The following TACR1 variants were observed in gnomAD, a reference collection of about 807,000 sequenced individuals.
The protein encoded by TACR1 is substance-P receptor.
A neutral mutation model predicts 35.8 loss-of-function variants in TACR1; 25 were observed. The observed-to-expected ratio is 0.70, with a 90% confidence interval of 0.51 to 0.98. The LOEUF (loss-of-function observed/expected upper bound fraction) is 0.98, where lower values mean the gene tolerates loss of function less well. Ranked by LOEUF, TACR1 falls within the 50% of genes least tolerant of loss-of-function variation. The probability of loss-of-function intolerance (pLI) is 0.00; values close to 1 mark genes in which losing one functional copy is unlikely to be tolerated. For synonymous variants in TACR1, 195 were observed against 206.7 expected (o/e 0.94, Z 0.48); for missense variants, 478 against 522.9 (o/e 0.91, Z 0.84).
At chr2:75,146,092 T>A (rs1279020479) in intron 1 of TACR1, among the ~76,000 whole-genome samples, 2 of 152,076 alleles carry the variant, frequency 1.3e-5, no homozygotes, top group East Asian at 3.9e-4. Flanking sequence ...GAGGAAGGCA[T>A]AAAACCAGGA....
chr2:75,070,475 A>G (rs1404959918), intron 2 of TACR1, among the ~76,000 whole-genome samples: 1 of 152,164 alleles, frequency 6.6e-6, no homozygotes, highest in African/African-American at 2.4e-5. Flanking sequence ...TCCCACATGT[A>G]TCCTTCAGAG....
chr2:75,123,015 C>G (rs142131384), intron 1 of TACR1, among the ~76,000 whole-genome samples: 1 of 152,302 alleles, frequency 6.6e-6, no homozygotes, highest in African/African-American at 2.4e-5. Flanking sequence ...AACTCAGAAT[C>G]AGAGCCAACA....
intron 2 of TACR1, among the ~76,000 whole-genome samples, chr2:75,113,775 A>T (rs1371625240): frequency 1.3e-5 from 2 of 152,052 alleles, no homozygotes; most frequent in East Asian, 3.9e-4. Flanking sequence ...TCAATCCTGG[A>T]AACACAAATA....
At chr2:75,192,083 A>T (rs1675860343) in intron 1 of TACR1, among the ~76,000 whole-genome samples, 1 of 152,118 alleles carries the variant, frequency 6.6e-6, no homozygotes, top group African/African-American at 2.4e-5. Flanking sequence ...GTCAAAGAGG[A>T]CAGCAAGGTC....
chr2:75,062,164 A>C (rs1444515250), intron 2 of TACR1, among the ~76,000 whole-genome samples: 1 of 152,088 alleles, frequency 6.6e-6, no homozygotes, highest in Non-Finnish European at 1.5e-5. Context: ...CATCTGCTTG[A>C]ATGAGAGCCT....
intron 2 of TACR1, among the ~76,000 whole-genome samples, chr2:75,107,000 A>T (rs1158203273): frequency 6.6e-6 from 1 of 151,884 alleles, no homozygotes; most frequent in Non-Finnish European, 1.5e-5. Context: ...AATATACTGT[A>T]TGTAAGAGGA....
At chr2:75,154,396 CCAAGA>C (rs1674754198) in intron 1 of TACR1, 1 of 90,102 alleles carries the variant, frequency 1.1e-5, no homozygotes. Flanking sequence ...AGATAATCAG[CCAAGA>C]GCGCGCACGC....
At chr2:75,062,439 A>G (rs889746417) in intron 2 of TACR1, among the ~76,000 whole-genome samples, 18 of 152,222 alleles carry the variant, frequency 1.2e-4, no homozygotes, top group African/African-American at 4.1e-4. Flanking sequence ...CTTTGAAAAC[A>G]ACACTATGTC....
At position 75,048,338 on chromosome 2, in the gene TACR1, C is replaced by T. The variant is rs1255296982; in HGVS notation, c.*1094G>A. 1 of 152,226 alleles carries T rather than the reference C, an allele frequency of 6.6e-6. No individual in the cohort carries two copies. The highest frequency in any genetic ancestry group is 1.5e-5 in the Non-Finnish European group (1 of 68,046). 9.4% of individuals were successfully genotyped at this position (152,226 alleles called of 1,614,324 possible). On this transcript the variant is annotated 3_prime_UTR_variant, in exon 5 of 5. Coordinates refer to ENST00000305249, the MANE Select transcript of TACR1 (RefSeq NM_001058.4). ...CACATTTGTCTTCTCTGACAGTGTT[C>T]TGCAGCTATGAAATTCTGCCTGCTA...
At chr2:75,189,720 G>A (rs1675798064) in intron 1 of TACR1, 1 of 152,180 alleles carries the variant, frequency 6.6e-6, no homozygotes, top group Admixed American at 6.5e-5. Context: ...AGTCTTACAA[G>A]AACTAAGTAA....
At chr2:75,115,906 C>CAAAAAA (rs1158476632) in intron 2 of TACR1, among the ~76,000 whole-genome samples, 115 of 54,252 alleles carry the variant, frequency 2.1e-3, no homozygotes, top group East Asian at 0.014. Context: ...GACTCCGTCT[C>CAAAAAA]AAAAAAAAAA....
intron 1 of TACR1, among the ~76,000 whole-genome samples, chr2:75,139,769 C>T (rs1402325916): frequency 2.0e-5 from 3 of 152,110 alleles, no homozygotes; most frequent in South Asian, 2.1e-4. Flanking sequence ...AATAAAAACC[C>T]GACTTGTAAG....
intron 1 of TACR1, chr2:75,186,966 A>G (rs3821320): frequency 0.51 from 76,955 of 152,176 alleles, 21,617 homozygotes; most frequent in African/African-American, 0.77. Flanking sequence ...AAGGATGAAA[A>G]CTTCCAGATG....
rs1239631937 is a variant in TACR1, at chr2:75,048,882, A to G, written c.*550T>C. 1 of 153,174 alleles carries G rather than the reference A, an allele frequency of 6.5e-6. No individual in the cohort carries two copies. Among genetic ancestry groups the G allele is most frequent in the African/African-American group, 2.4e-5 (1 of 41,434 alleles). The allele number at this position is 153,174 out of a possible 1,614,324, so 9.5% of individuals were successfully genotyped here. A position where few individuals can be genotyped will look rare whatever the true frequency, so the allele number is the denominator to read the frequency against. ...AATGTACTGAAATACTGAGATGCCA[A>G]AAAGGGGAATACATATGTTTCTTTT... On this transcript the variant is annotated 3_prime_UTR_variant, in exon 5 of 5. Transcript: ENST00000305249.
chr2:75,189,877 C>T (rs890172496), intron 1 of TACR1: 1 of 152,108 alleles, frequency 6.6e-6, no homozygotes, highest in Non-Finnish European at 1.5e-5. Context: ...ATACTGTTTA[C>T]ATTTTGAAAG....
chr2:75,111,945 A>T (rs984478394), intron 2 of TACR1, among the ~76,000 whole-genome samples: 8 of 151,908 alleles, frequency 5.3e-5, no homozygotes, highest in Non-Finnish European at 8.8e-5. Flanking sequence ...TAAATTTTTA[A>T]AAAAAATTTA....
chr2:75,116,425 A>G (rs569775495), intron 2 of TACR1, among the ~76,000 whole-genome samples: 8 of 152,084 alleles, frequency 5.3e-5, no homozygotes, highest in Non-Finnish European at 1.2e-4. Flanking sequence ...TGTTTGTTTT[A>G]TCCGTTCTAC....
intron 2 of TACR1, among the ~76,000 whole-genome samples, chr2:75,120,327 A>G (rs560294143): frequency 2.6e-5 from 4 of 152,286 alleles, no homozygotes; most frequent in African/African-American, 9.6e-5. Flanking sequence ...TGGCTCTGCT[A>G]TAACAGGATC....
chr2:75,065,691 G>A (rs4852357), intron 2 of TACR1, among the ~76,000 whole-genome samples: 47 of 152,112 alleles, frequency 3.1e-4, no homozygotes, highest in African/African-American at 8.9e-4. Context: ...CTTCTGTCAC[G>A]CACTCCAAAT....
Sources: allele counts gnomAD v4.1 joint callset (sites outside exome capture counted in the v4.1 genomes callset), GRCh38; gene constraint gnomAD v4.1.1; transcripts MANE v1.5; gene names NCBI Gene and HGNC (gene_info 2026-07-23, HGNC 2026-07-21).